Variants in SORCS1 observed in about 807,000 individuals in gnomAD.
SORCS1 encodes the protein VPS10 domain-containing receptor SorCS1.
Under a neutral mutation model 146.1 loss-of-function variants are expected in SORCS1, and 60 were observed. That is an observed-to-expected ratio of 0.41 (90% CI 0.33 to 0.51). The LOEUF is 0.51. SORCS1 is among the 20% of genes least tolerant of loss of function. SORCS1 has a pLI of 0.21. For missense variants in SORCS1, 1,352 were observed against 1,487.6 expected (o/e 0.91, Z 1.50); for synonymous variants, 637 against 584.0 (o/e 1.09, Z -1.31).
At chr10:106,992,736 A>C (rs1334134210) in intron 1 of SORCS1, among the ~76,000 whole-genome samples, 1 of 151,116 alleles carries the variant, frequency 6.6e-6, no homozygotes, top group African/African-American at 2.4e-5. Flanking sequence ...ACCTCAAGCA[A>C]TCCTCCATCT....
intron 16 of SORCS1, among the ~76,000 whole-genome samples, chr10:106,669,527 G>A (rs1851426501): frequency 6.6e-6 from 1 of 152,216 alleles, no homozygotes; most frequent in Non-Finnish European, 1.5e-5. Flanking sequence ...GCTTCAGAAA[G>A]AGGGATGCAA....
chr10:106,687,357 C>A (rs1167832676), intron 10 of SORCS1, among the ~76,000 whole-genome samples: 1 of 152,082 alleles, frequency 6.6e-6, no homozygotes, highest in Non-Finnish European at 1.5e-5. Flanking sequence ...TATATACTGC[C>A]CAAATGTAAG....
chr10:107,086,317 G>A (rs948645876), intron 1 of SORCS1, among the ~76,000 whole-genome samples: 1 of 152,198 alleles, frequency 6.6e-6, no homozygotes, highest in Non-Finnish European at 1.5e-5. Flanking sequence ...TATGACACAG[G>A]TGGATTATTT....
chr10:106,631,584 AG>A (rs1277497989), intron 18 of SORCS1, among the ~76,000 whole-genome samples: 1 of 152,088 alleles, frequency 6.6e-6, no homozygotes, highest in African/African-American at 2.4e-5. Context: ...TCCACTAGAG[AG>A]GGGGGAGGAC....
In SORCS1 at chr10:106,703,312, G is replaced by A. The variant is rs200682573; in HGVS notation, c.1233+3233C>T. ...CAGCCTTCACATCACCTGCATCCTG[G>A]TCCACATCGATCTTCCACCACGGAG... is the stretch of plus-strand genomic sequence containing the variant. On this transcript the variant is annotated intron_variant, in intron 8 of 25. Coordinates refer to ENST00000263054, the MANE Select transcript of SORCS1 (RefSeq NM_052918.5). Among the ~76,000 whole-genome samples, 8 of 151,946 alleles carry A rather than the reference G, an allele frequency of 5.3e-5. No individual in the cohort carries two copies. The East Asian group carries it at 1.5e-3, about 29-fold the overall frequency.
chr10:106,724,671 G>T (rs1241160364), intron 6 of SORCS1, among the ~76,000 whole-genome samples: 2 of 152,138 alleles, frequency 1.3e-5, no homozygotes, highest in African/African-American at 4.8e-5. Context: ...AGGGACATCT[G>T]AAATAGACCA....
intron 1 of SORCS1, among the ~76,000 whole-genome samples, chr10:106,963,304 A>T (rs1301444549): frequency 6.6e-6 from 1 of 151,658 alleles, no homozygotes; most frequent in Non-Finnish European, 1.5e-5. Flanking sequence ...TTTAGTAGAG[A>T]CAGGGTTTCA....
chr10:107,179,248 A>G, the SORCS1 span, among the ~76,000 whole-genome samples: 24 of 152,250 alleles, frequency 1.6e-4, no homozygotes, highest in African/African-American at 5.3e-4. Context: ...ACCTGTTGGT[A>G]TTTTGAATGT....
chr10:106,837,915 T>C (rs1225171838), intron 2 of SORCS1, among the ~76,000 whole-genome samples: 1 of 152,146 alleles, frequency 6.6e-6, no homozygotes, highest in Non-Finnish European at 1.5e-5. Context: ...GGTGCTTTTA[T>C]TTTCTGTTCA....
At chr10:106,608,290 T>C (rs1846744431) in intron 22 of SORCS1, among the ~76,000 whole-genome samples, 1 of 152,252 alleles carries the variant, frequency 6.6e-6, no homozygotes, top group South Asian at 2.1e-4. Flanking sequence ...AATTTCTCAA[T>C]ATTTCAGCTT....
chr10:107,149,777 TC>T (rs1968620231), intron 1 of SORCS1, among the ~76,000 whole-genome samples: 1 of 152,210 alleles, frequency 6.6e-6, no homozygotes, highest in Admixed American at 6.5e-5. Flanking sequence ...TAGCCTTGGT[TC>T]CAAATATCTT....
At chr10:106,835,184 A>C (rs1238298811) in intron 2 of SORCS1, among the ~76,000 whole-genome samples, 2 of 152,210 alleles carry the variant, frequency 1.3e-5, no homozygotes, top group Admixed American at 1.3e-4. Flanking sequence ...GCTTGAAAAA[A>C]GGATCAGTAT....
intron 4 of SORCS1, among the ~76,000 whole-genome samples, chr10:106,763,181 A>G (rs1859279332): frequency 6.6e-6 from 1 of 152,228 alleles, no homozygotes; most frequent in Admixed American, 6.5e-5. Flanking sequence ...GAACTCATAT[A>G]CATGCTGCAA....
At chr10:107,006,446 G>A (rs1957446263) in intron 1 of SORCS1, among the ~76,000 whole-genome samples, 1 of 152,200 alleles carries the variant, frequency 6.6e-6, no homozygotes, top group Non-Finnish European at 1.5e-5. Flanking sequence ...AACCCCAGAA[G>A]GGTAATAAGT....
chr10:106,963,495 A>C (rs1312969492), intron 1 of SORCS1, among the ~76,000 whole-genome samples: 1 of 152,126 alleles, frequency 6.6e-6, no homozygotes, highest in Non-Finnish European at 1.5e-5. Context: ...TTTCTTCAAA[A>C]TATGCATGTT....
intron 1 of SORCS1, among the ~76,000 whole-genome samples, chr10:107,044,874 C>G (rs577036286): frequency 6.0e-5 from 9 of 149,514 alleles, no homozygotes; most frequent in African/African-American, 2.2e-4. Context: ...ATTATAGGTG[C>G]TGCATCAGAT....
chr10:106,897,150 G>A (rs1589657596), intron 2 of SORCS1, among the ~76,000 whole-genome samples: 1 of 151,048 alleles, frequency 6.6e-6, no homozygotes, highest in Non-Finnish European at 1.5e-5. Flanking sequence ...CAAAGTGCTG[G>A]GATTACAGGC....
At chr10:106,616,435 G>C (rs1484425376) in intron 21 of SORCS1, among the ~76,000 whole-genome samples, 1 of 152,180 alleles carries the variant, frequency 6.6e-6, no homozygotes, top group African/African-American at 2.4e-5. Flanking sequence ...GCTGGGGCAA[G>C]TTATTCATCA....
intron 1 of SORCS1, among the ~76,000 whole-genome samples, chr10:107,026,669 A>T (rs559282068): frequency 3.6e-4 from 55 of 152,050 alleles, no homozygotes; most frequent in Non-Finnish European, 6.8e-4. Flanking sequence ...ACGCAGAGAA[A>T]GAGAGAAGAA....
Sources: allele counts gnomAD v4.1 joint callset (sites outside exome capture counted in the v4.1 genomes callset), GRCh38; gene constraint gnomAD v4.1.1; transcripts MANE v1.5; gene names NCBI Gene and HGNC (gene_info 2026-07-23, HGNC 2026-07-21).